The following TFCP2L1 variants were observed in gnomAD, a reference collection of about 807,000 sequenced individuals.
The protein encoded by TFCP2L1 is transcription factor CP2 like 1, also known as transcription factor CP2-like protein 1.
TFCP2L1 carries 12 observed loss-of-function variants against 72.2 expected under a neutral mutation model. The ratio of observed to expected loss-of-function variants is 0.17; its 90% CI spans 0.11 to 0.27. TFCP2L1 has a LOEUF of 0.27. Among genes scored for constraint, TFCP2L1 ranks in the 10% least tolerant of loss-of-function variants. TFCP2L1 has a pLI of 1.00. For synonymous variants in TFCP2L1, 260 were observed against 251.0 expected (o/e 1.04, Z -0.34); for missense variants, 488 against 624.6 (o/e 0.78, Z 2.33).
At chr2:121,245,387 C>G (rs1484561860) in intron 6 of TFCP2L1, among the ~76,000 whole-genome samples, 1 of 152,156 alleles carries the variant, frequency 6.6e-6, no homozygotes, top group Non-Finnish European at 1.5e-5. Flanking sequence ...AATAAATGCA[C>G]AGAGTTTTTA....
chr2:121,239,663 C>T lies in TFCP2L1; in HGVS notation c.769-14G>A, dbSNP rs1163981888. The T allele has an allele frequency of 6.2e-7, 1 of 1,611,538 alleles. No homozygotes were observed. The highest frequency in any genetic ancestry group is 1.3e-5 in the African/African-American group (1 of 74,824). Reference sequence around the variant, plus strand: ...CCATGGAGAGCACTGCAGGAGAGAGCACAGGGCGAGCTGGGATCTGGAGAG... The same window carrying T: ...CCATGGAGAGCACTGCAGGAGAGAGTACAGGGCGAGCTGGGATCTGGAGAG... On this transcript the variant is annotated splice_polypyrimidine_tract_variant and intron_variant, in intron 7 of 14. Coordinates refer to ENST00000263707, the MANE Select transcript of TFCP2L1 (RefSeq NM_014553.3).
Position 121,269,187 on chromosome 2 carries a change from C to A in TFCP2L1, c.214+11933G>T, listed in dbSNP as rs898492342. Among the ~76,000 whole-genome samples, 53 of 152,034 alleles carry A rather than the reference C, an allele frequency of 3.5e-4. 1 individual carries two copies. Reference sequence around the variant, plus strand: ...TATGGCTGGGCGCAGTGGCTTACACCTGTAATCCTAGCACTTTGGGAGGCT... The same window carrying A: ...TATGGCTGGGCGCAGTGGCTTACACATGTAATCCTAGCACTTTGGGAGGCT... On this transcript the variant is annotated intron_variant, in intron 2 of 14. Transcript: ENST00000263707.
At chr2:121,265,958 G>A (rs1170007753) in intron 2 of TFCP2L1, among the ~76,000 whole-genome samples, 2 of 150,372 alleles carry the variant, frequency 1.3e-5, no homozygotes, top group African/African-American at 2.5e-5. Context: ...CTCGACCTCC[G>A]GGGTTGAAGC....
At chr2:121,232,800 T>C (rs1437277316) in intron 12 of TFCP2L1, among the ~76,000 whole-genome samples, 2 of 152,086 alleles carry the variant, frequency 1.3e-5, no homozygotes, top group Non-Finnish European at 1.5e-5. Context: ...GAGGGCACCA[T>C]GGTGTCAGCA....
intron 2 of TFCP2L1, among the ~76,000 whole-genome samples, chr2:121,271,786 A>G (rs763563042): frequency 6.6e-6 from 1 of 152,238 alleles, no homozygotes; most frequent in South Asian, 2.1e-4. Flanking sequence ...GAAGCTGGTC[A>G]AAAAGACAGA....
At chr2:121,278,746 G>T (rs984610134) in intron 2 of TFCP2L1, among the ~76,000 whole-genome samples, 4 of 150,298 alleles carry the variant, frequency 2.7e-5, no homozygotes, top group African/African-American at 9.8e-5. Context: ...GCTCACACCT[G>T]TAATCCCAGC....
At chr2:121,247,666 A>C (rs986406984) in intron 5 of TFCP2L1, among the ~76,000 whole-genome samples, 1 of 152,198 alleles carries the variant, frequency 6.6e-6, no homozygotes, top group African/African-American at 2.4e-5. Context: ...TTAGAAAACT[A>C]AGAGGCTCAG....
At chr2:121,241,326 T>C (rs1302002955) in intron 7 of TFCP2L1, among the ~76,000 whole-genome samples, 3 of 152,058 alleles carry the variant, frequency 2.0e-5, no homozygotes, top group Non-Finnish European at 2.9e-5. Context: ...AAACCCCGTC[T>C]CTACTAAAAA....
chr2:121,245,650 C>T (rs1686465387), intron 6 of TFCP2L1, among the ~76,000 whole-genome samples: 1 of 152,218 alleles, frequency 6.6e-6, no homozygotes, highest in Non-Finnish European at 1.5e-5. Context: ...TGAGTGCAGA[C>T]TCCATCAGCT....
intron 2 of TFCP2L1, among the ~76,000 whole-genome samples, chr2:121,269,222 G>A (rs1686994158): frequency 1.3e-5 from 2 of 151,722 alleles, no homozygotes; most frequent in African/African-American, 2.4e-5. Flanking sequence ...TGAGGCGGGG[G>A]TGGATGGCTT....
In TFCP2L1 at chr2:121,218,820, T is replaced by A. The variant is rs192280777; in HGVS notation, c.*5521A>T. On this transcript the variant is annotated 3_prime_UTR_variant, in exon 15 of 15. Coordinates refer to ENST00000263707, the MANE Select transcript of TFCP2L1 (RefSeq NM_014553.3). ...AGATCTGTTAGCTGTGACCCATAGA[T>A]TGGGGGAGGGAGGAAAGCCAGGAGG... 1 of 152,194 alleles carries A rather than the reference T, an allele frequency of 6.6e-6. No individual in the cohort carries two copies. The highest frequency in any genetic ancestry group is 1.5e-5 in the Non-Finnish European group (1 of 68,160). The allele number at this position is 152,194 out of a possible 1,614,324, so 9.4% of individuals were successfully genotyped here.
intron 2 of TFCP2L1, among the ~76,000 whole-genome samples, chr2:121,261,718 T>C (rs561238193): frequency 2.0e-5 from 3 of 152,150 alleles, no homozygotes; most frequent in South Asian, 2.1e-4. Context: ...CTAAAATAAG[T>C]GGGCAAAGAT....
Position 121,223,121 on chromosome 2 carries a change from CTATGACATCCCATT to C in TFCP2L1, c.*1206_*1219del. 6.6e-6 allele frequency: 1 copy of C among 152,268 alleles called. No individual in the cohort carries two copies. Among genetic ancestry groups the C allele is most frequent in the South Asian group, 2.1e-4 (1 of 4,820 alleles). The allele number at this position is 152,268 out of a possible 1,614,324, so 9.4% of individuals were successfully genotyped here. On this transcript the variant is annotated 3_prime_UTR_variant, in exon 15 of 15. Transcript: ENST00000263707. ...ATTCCACAGAAGCTCCATTTAGAAG[CTATGACATCCCATT>C]CAGGTGGTCAGAGGGTTCCCCATGA...
chr2:121,220,478 C>T lies in TFCP2L1; in HGVS notation c.*3863G>A, dbSNP rs138140889. ...CAACCTTGCAGATACCCCGCAAAAA[C>T]CGTGACGACCTAAGAGTAAGGAACT... On this transcript the variant is annotated 3_prime_UTR_variant, in exon 15 of 15. Transcript: ENST00000263707. The T allele has an allele frequency of 6.6e-6, 1 of 152,366 alleles. No individual in the cohort carries two copies. Among genetic ancestry groups the T allele is most frequent in the East Asian group, 1.9e-4 (1 of 5,186 alleles). The allele number at this position is 152,366 out of a possible 1,614,324, so 9.4% of individuals were successfully genotyped here. A position where few individuals can be genotyped will look rare whatever the true frequency, so the allele number is the denominator to read the frequency against.
Position 121,246,841 on chromosome 2 carries a change from T to C in TFCP2L1, c.634A>G (p.Ser212Gly). 1.9e-6 allele frequency: 3 copies of C among 1,614,202 alleles called. No individual in the cohort carries two copies. Among genetic ancestry groups the C allele is most frequent in the East Asian group, 4.5e-5 (2 of 44,876 alleles). Residue 212 changes from serine (S) to glycine (G), a missense_variant, in exon 6 of 15, where the codon AGC becomes GGC. Coordinates refer to ENST00000263707, the MANE Select transcript of TFCP2L1 (RefSeq NM_014553.3). Reference sequence around the variant, plus strand: ...ACCTTGAACACCTTGATCTGGCAGCTGGCTGAGTGCAGGTGCTCCGTGTAC... The same window carrying C: ...ACCTTGAACACCTTGATCTGGCAGCCGGCTGAGTGCAGGTGCTCCGTGTAC... ...GEYTEHLHSASCQIKVFKPKG... is the reference protein window; with the variant it reads ...GEYTEHLHSAGCQIKVFKPKG...
chr2:121,231,708 T>A, intron 13 of TFCP2L1, 118 bp downstream of exon 13: 1 of 1,401,058 alleles, frequency 7.1e-7, no homozygotes, highest in Non-Finnish European at 9.7e-7. Context: ...CTGCAGGTGG[T>A]GTGCAGATGA....
At chr2:121,229,874 T>G (rs1686105886) in intron 13 of TFCP2L1, among the ~76,000 whole-genome samples, 1 of 152,340 alleles carries the variant, frequency 6.6e-6, no homozygotes, top group Non-Finnish European at 1.5e-5. Flanking sequence ...TTTTCTCTAC[T>G]TCTCCCAGCC....
intron 4 of TFCP2L1, among the ~76,000 whole-genome samples, chr2:121,248,549 C>T (rs1173338723): frequency 1.3e-5 from 2 of 152,174 alleles, no homozygotes; most frequent in African/African-American, 4.8e-5. Flanking sequence ...TCTGGGTACA[C>T]ACATCGTATT....
At chr2:121,284,035 G>A (rs1030846235) in intron 1 of TFCP2L1, among the ~76,000 whole-genome samples, 4 of 152,324 alleles carry the variant, frequency 2.6e-5, no homozygotes, top group Non-Finnish European at 4.4e-5. Flanking sequence ...TGTCTTCAGG[G>A]AGGACAAATA....
Sources: allele counts gnomAD v4.1 joint callset (sites outside exome capture counted in the v4.1 genomes callset), GRCh38; gene constraint gnomAD v4.1.1; transcripts MANE v1.5; gene names NCBI Gene and HGNC (gene_info 2026-07-23, HGNC 2026-07-21).